Variants in DCC observed in about 807,000 individuals in gnomAD.
DCC encodes the protein netrin receptor DCC.
In DCC, 58 loss-of-function variants were observed where a neutral mutation model predicts 172.5. The observed-to-expected ratio is 0.34, with a 90% CI of 0.27 to 0.42. DCC has a LOEUF of 0.42. Among genes scored for constraint, DCC ranks in the 10% least tolerant of loss-of-function variants. The pLI is 1.00. For missense variants in DCC, 1,740 were observed against 1,791.0 expected, an observed-to-expected ratio of 0.97 and a Z score of 0.51; for synonymous variants, 709 against 644.5, an observed-to-expected ratio of 1.10 and a Z score of -1.52.
chr18:53,047,203 A>C (rs1288692175), intron 5 of DCC, among the ~76,000 whole-genome samples: 6 of 120,344 alleles, frequency 5.0e-5, no homozygotes, highest in Non-Finnish European at 1.0e-4. Flanking sequence ...CTACTCCTTA[A>C]GGCTATCCTG....
chr18:52,407,382 A>G (rs550945594), intron 1 of DCC, among the ~76,000 whole-genome samples: 25 of 152,084 alleles, frequency 1.6e-4, no homozygotes, highest in Non-Finnish European at 3.7e-4. Context: ...ATGAATGTGC[A>G]TTTGATATAT....
At chr18:52,745,859 C>T (rs1415140442) in intron 1 of DCC, among the ~76,000 whole-genome samples, 1 of 152,112 alleles carries the variant, frequency 6.6e-6, no homozygotes, top group Non-Finnish European at 1.5e-5. Context: ...CAGCAGGTTC[C>T]CAGGAGGTGT....
At chr18:53,362,734 T>C (rs1015154613) in intron 15 of DCC, among the ~76,000 whole-genome samples, 6 of 152,186 alleles carry the variant, frequency 3.9e-5, no homozygotes, top group Non-Finnish European at 1.5e-5. Context: ...CTGTGAGTTA[T>C]ATTTTATTAT....
At chr18:53,062,084 A>C (rs1426149076) in intron 5 of DCC, among the ~76,000 whole-genome samples, 1 of 150,366 alleles carries the variant, frequency 6.7e-6, no homozygotes, top group South Asian at 2.1e-4. Flanking sequence ...TCAATAATTA[A>C]TAAATAATTT....
chr18:53,334,661 A>G (rs1184660238), intron 14 of DCC, among the ~76,000 whole-genome samples: 5 of 152,162 alleles, frequency 3.3e-5, no homozygotes, highest in African/African-American at 1.2e-4. Flanking sequence ...GGTACCTCAT[A>G]AAAGGAGATT....
At chr18:52,555,760 T>C (rs933256572) in intron 1 of DCC, among the ~76,000 whole-genome samples, 1 of 152,160 alleles carries the variant, frequency 6.6e-6, no homozygotes, top group Non-Finnish European at 1.5e-5. Flanking sequence ...AAGGATAGCA[T>C]CTGATTTCGA....
chr18:53,428,153 A>G (rs1213942713), intron 21 of DCC, among the ~76,000 whole-genome samples: 5 of 36,126 alleles, frequency 1.4e-4, no homozygotes, highest in Non-Finnish European at 2.2e-4. Context: ...TATATAATAT[A>G]TAATATAATA....
chr18:53,011,834 C>T (rs2041735167), intron 5 of DCC, among the ~76,000 whole-genome samples: 2 of 151,460 alleles, frequency 1.3e-5, no homozygotes, highest in African/African-American at 2.4e-5. Context: ...GTCCTTCATC[C>T]GGTCACATAT....
At chr18:53,517,743 G>C (rs1361635480) in intron 27 of DCC, among the ~76,000 whole-genome samples, 1 of 152,042 alleles carries the variant, frequency 6.6e-6, no homozygotes, top group Non-Finnish European at 1.5e-5. Context: ...GAAATAAGAA[G>C]GTTGGGAGAA....
intron 12 of DCC, among the ~76,000 whole-genome samples, chr18:53,227,570 G>A (rs1295737363): frequency 1.3e-5 from 2 of 152,112 alleles, no homozygotes; most frequent in Non-Finnish European, 2.9e-5. Context: ...AGTGTATGTT[G>A]CATACAAATG....
chr18:53,094,270 A>G (rs187660130), intron 7 of DCC, among the ~76,000 whole-genome samples: 81 of 152,318 alleles, frequency 5.3e-4, no homozygotes, highest in African/African-American at 1.9e-3. Context: ...GAAGATATGT[A>G]CAGACAGTGT....
chr18:52,595,754 A>G (rs897012975), intron 1 of DCC, among the ~76,000 whole-genome samples: 5 of 152,128 alleles, frequency 3.3e-5, no homozygotes, highest in African/African-American at 1.2e-4. Context: ...ATTTTTGTCA[A>G]TCCACACATT....
At chr18:53,374,643 C>T (rs982592479) in intron 15 of DCC, among the ~76,000 whole-genome samples, 1 of 152,014 alleles carries the variant, frequency 6.6e-6, no homozygotes, top group Non-Finnish European at 1.5e-5. Context: ...GATAGTCAAC[C>T]ATGACATATG....
chr18:52,841,234 A>T (rs1351616076), intron 2 of DCC, among the ~76,000 whole-genome samples: 1 of 151,446 alleles, frequency 6.6e-6, no homozygotes, highest in Non-Finnish European at 1.5e-5. Context: ...TCATGGTTTG[A>T]TTTTCTTCTA....
chr18:53,290,306 T>A (rs1289188027), intron 12 of DCC, among the ~76,000 whole-genome samples: 1 of 152,248 alleles, frequency 6.6e-6, no homozygotes. Context: ...AGCAGCCTGC[T>A]GTTAACATGA....
At chr18:52,592,708 A>T (rs2033825683) in intron 1 of DCC, among the ~76,000 whole-genome samples, 1 of 152,178 alleles carries the variant, frequency 6.6e-6, no homozygotes, top group Non-Finnish European at 1.5e-5. Context: ...ATCTCAACTC[A>T]TTGTAACGTC....
At chr18:53,383,285 T>G (rs11664220) in intron 15 of DCC, among the ~76,000 whole-genome samples, 64,502 of 151,704 alleles carry the variant, frequency 0.43, 15,455 homozygotes, top group Non-Finnish European at 0.55. Context: ...TTTACTGTTT[T>G]GTTTTTATTT....
intron 14 of DCC, among the ~76,000 whole-genome samples, chr18:53,329,084 A>G (rs1262025990): frequency 6.6e-6 from 1 of 152,190 alleles, no homozygotes; most frequent in African/African-American, 2.4e-5. Flanking sequence ...TTATAGCAAT[A>G]GATTGAAGAG....
intron 23 of DCC, among the ~76,000 whole-genome samples, chr18:53,455,849 C>T (rs1033575230): frequency 1.3e-5 from 2 of 152,210 alleles, no homozygotes; most frequent in African/African-American, 2.4e-5. Flanking sequence ...TGCCATGTTA[C>T]AATCATTTTT....
Sources: allele counts gnomAD v4.1 joint callset (sites outside exome capture counted in the v4.1 genomes callset), GRCh38; gene constraint gnomAD v4.1.1; transcripts MANE v1.5; gene names NCBI Gene and HGNC (gene_info 2026-07-23, HGNC 2026-07-21).